FYN: variants seen among roughly 807,000 people sequenced by gnomAD.
The protein encoded by FYN is FYN proto-oncogene, Src family tyrosine kinase, also known as tyrosine-protein kinase Fyn.
In FYN, 10 loss-of-function variants were observed where a neutral mutation model predicts 70.2. The ratio of observed to expected loss-of-function variants is 0.14; its 90% CI spans 0.09 to 0.24. The LOEUF (loss-of-function observed/expected upper bound fraction) is 0.24, where lower values mean the gene tolerates loss of function less well. Among genes scored for constraint, FYN ranks in the 10% least tolerant of loss-of-function variants. The pLI is 1.00. For missense variants in FYN, 319 were observed against 673.1 expected, an observed-to-expected ratio of 0.47 and a Z score of 5.82; for synonymous variants, 236 against 248.6, an observed-to-expected ratio of 0.95 and a Z score of 0.48.
At chr6:111,717,463 T>G (rs1800705600) in intron 4 of FYN, among the ~76,000 whole-genome samples, 1 of 145,160 alleles carries the variant, frequency 6.9e-6, no homozygotes, top group Admixed American at 6.7e-5. Context: ...GGAGCCCACT[T>G]TTTTTTTTTT....
At chr6:111,697,322 T>G (rs929014932) in intron 9 of FYN, among the ~76,000 whole-genome samples, 27 of 152,236 alleles carry the variant, frequency 1.8e-4, no homozygotes, top group African/African-American at 5.5e-4. Context: ...CTAGGTTCTT[T>G]GTGTATTCCA....
intron 3 of FYN, among the ~76,000 whole-genome samples, chr6:111,727,954 G>A (rs1005731470): frequency 1.3e-4 from 20 of 152,094 alleles, no homozygotes; most frequent in Middle Eastern, 3.4e-3. Context: ...TCCATTTCTC[G>A]AGCCCGAAGA....
At chr6:111,841,759 A>C (rs1308955835) in intron 2 of FYN, among the ~76,000 whole-genome samples, 2 of 151,994 alleles carry the variant, frequency 1.3e-5, no homozygotes, top group Non-Finnish European at 2.9e-5. Flanking sequence ...TCCTAAATTT[A>C]GAATGTCTAG....
At chr6:111,756,950 C>T (rs941386004) in intron 3 of FYN, among the ~76,000 whole-genome samples, 1 of 152,074 alleles carries the variant, frequency 6.6e-6, no homozygotes, top group South Asian at 2.1e-4. Context: ...TTCCTATCCC[C>T]GCTATCCCTA....
intron 12 of FYN, among the ~76,000 whole-genome samples, chr6:111,682,426 C>A (rs1175138998): frequency 1.4e-4 from 21 of 152,182 alleles, no homozygotes; most frequent in Admixed American, 1.4e-3. Context: ...GCCAGGTAAT[C>A]TGTTTTTCAC....
chr6:111,801,095 G>C (rs1771969140), intron 2 of FYN, among the ~76,000 whole-genome samples: 1 of 152,144 alleles, frequency 6.6e-6, no homozygotes, highest in Non-Finnish European at 1.5e-5. Flanking sequence ...GGAGAAGAAT[G>C]GGGATGTGTA....
chr6:111,830,102 T>C (rs773987798), intron 2 of FYN, among the ~76,000 whole-genome samples: 34 of 152,164 alleles, frequency 2.2e-4, no homozygotes, highest in Non-Finnish European at 4.9e-4. Flanking sequence ...GAAAAGTTGC[T>C]AGGTGAAGAG....
chr6:111,702,792 A>AT, intron 8 of FYN, 93 bp downstream of exon 8: 1 of 1,230,668 alleles, frequency 8.1e-7, no homozygotes, highest in African/African-American at 1.5e-5. Context: ...GATTTTGTAC[A>AT]TATTAGTTTT....
chr6:111,799,180 A>C (rs1156541018), intron 2 of FYN, among the ~76,000 whole-genome samples: 1 of 152,260 alleles, frequency 6.6e-6, no homozygotes, highest in East Asian at 1.9e-4. Flanking sequence ...ATTCTAAAAA[A>C]GCAACGTTCA....
intron 3 of FYN, among the ~76,000 whole-genome samples, chr6:111,779,867 A>T (rs1771104960): frequency 6.6e-6 from 1 of 152,236 alleles, no homozygotes; most frequent in Non-Finnish European, 1.5e-5. Context: ...ACTATGCTCC[A>T]GCACTACCTA....
intron 2 of FYN, among the ~76,000 whole-genome samples, chr6:111,790,443 A>G (rs1050597412): frequency 2.0e-5 from 3 of 152,050 alleles, no homozygotes; most frequent in Non-Finnish European, 4.4e-5. Flanking sequence ...TCCTAAGAAC[A>G]CTGAAAATCT....
At chr6:111,728,640 T>A in intron 3 of FYN, among the ~76,000 whole-genome samples, 1 of 152,258 alleles carries the variant, frequency 6.6e-6, no homozygotes, top group South Asian at 2.1e-4. Context: ...CTTGGTATAA[T>A]GTTCTCCAGG....
intron 3 of FYN, among the ~76,000 whole-genome samples, chr6:111,780,026 T>C (rs1478553303): frequency 6.6e-6 from 1 of 151,758 alleles, no homozygotes; most frequent in Non-Finnish European, 1.5e-5. Context: ...CCAAAGACTG[T>C]CCTCTTTCCC....
chr6:111,726,450 C>T (rs1801197179), intron 3 of FYN, among the ~76,000 whole-genome samples: 1 of 152,178 alleles, frequency 6.6e-6, no homozygotes, highest in Non-Finnish European at 1.5e-5. Context: ...ACAGGTATTA[C>T]TATTTCCCCA....
intron 3 of FYN, among the ~76,000 whole-genome samples, chr6:111,724,870 A>C (rs558435256): frequency 6.6e-6 from 1 of 152,218 alleles, no homozygotes; most frequent in Non-Finnish European, 1.5e-5. Context: ...TAATGGAAGT[A>C]TAAGAACAAG....
intron 3 of FYN, among the ~76,000 whole-genome samples, chr6:111,777,292 G>A (rs1305134563): frequency 6.6e-6 from 1 of 152,030 alleles, no homozygotes; most frequent in Non-Finnish European, 1.5e-5. Flanking sequence ...CCACTCTGAT[G>A]ATTTTCTGAA....
chr6:111,723,679 G>GT (rs1801059215), intron 3 of FYN, among the ~76,000 whole-genome samples: 1 of 152,230 alleles, frequency 6.6e-6, no homozygotes, highest in African/African-American at 2.4e-5. Context: ...TACATGAGCT[G>GT]TATTCAGTGT....
chr6:111,699,913 C>CTTT (rs71021861), intron 9 of FYN, 191 bp downstream of exon 9: 3,587 of 186,372 alleles, frequency 0.019, 110 homozygotes, highest in East Asian at 0.051. Flanking sequence ...CACTTACTAT[C>CTTT]TTTTTTTTTT....
At chr6:111,872,356 A>G (rs1306364414) in intron 1 of FYN, among the ~76,000 whole-genome samples, 1 of 144,086 alleles carries the variant, frequency 6.9e-6, no homozygotes, top group Admixed American at 7.0e-5. Context: ...GGGGTGGGGG[A>G]CAGAGGAAGA....
Sources: gnomAD v4.1 joint callset for allele counts (sites outside exome capture counted in the v4.1 genomes callset) on GRCh38, gnomAD v4.1.1 for gene constraint, MANE v1.5 for transcripts, NCBI Gene and HGNC (gene_info 2026-07-23, HGNC 2026-07-21) for gene names.